The following TADA2A variants were observed in gnomAD, a reference collection of about 807,000 sequenced individuals.
TADA2A encodes the protein transcriptional adapter 2-alpha.
TADA2A carries 38 observed loss-of-function variants against 67.4 expected under a neutral mutation model. The observed-to-expected ratio is 0.56, with a 90% CI of 0.44 to 0.74. The LOEUF is 0.74. TADA2A is among the 30% of genes least tolerant of loss of function. TADA2A has a pLI of 0.00. For synonymous variants in TADA2A, 192 were observed against 181.6 expected, an observed-to-expected ratio of 1.06 and a Z score of -0.46; for missense variants, 454 against 547.0, an observed-to-expected ratio of 0.83 and a Z score of 1.70.
intron 11 of TADA2A, 146 bp downstream of exon 11, chr17:37,465,687 T>C: frequency 6.9e-7 from 1 of 1,448,778 alleles, no homozygotes. Flanking sequence ...GAGACAAATT[T>C]GGGACTATGG....
intron 14 of TADA2A, 64 bp downstream of exon 14, chr17:37,471,201 A>G: frequency 6.5e-7 from 1 of 1,536,842 alleles, no homozygotes; most frequent in East Asian, 2.3e-5. Context: ...GGTTATAGTG[A>G]CCCAGCAATC....
intron 2 of TADA2A, among the ~76,000 whole-genome samples, chr17:37,415,952 C>A (rs1381387741): frequency 6.6e-6 from 1 of 150,840 alleles, no homozygotes; most frequent in African/African-American, 2.4e-5. Flanking sequence ...TTTTGCCAAT[C>A]TGATGGGTGA....
At chr17:37,472,266 A>T (rs1376761179) in intron 14 of TADA2A, among the ~76,000 whole-genome samples, 2 of 151,960 alleles carry the variant, frequency 1.3e-5, no homozygotes, top group Non-Finnish European at 2.9e-5. Context: ...GGGTTTCGCC[A>T]TGCTGGCCAG....
At chr17:37,443,363 C>A (rs550965086) in intron 7 of TADA2A, among the ~76,000 whole-genome samples, 1 of 152,074 alleles carries the variant, frequency 6.6e-6, no homozygotes, top group Admixed American at 6.6e-5. Context: ...AAGCGATTCT[C>A]CTGTCTCAGC....
At position 37,461,869 on chromosome 17, in the gene TADA2A, C is replaced by T. The variant is rs1308513178; in HGVS notation, c.669-209C>T. The T allele has an allele frequency of 7.1e-5, 35 of 493,006 alleles. No homozygotes were observed. In the Admixed American group the frequency reaches 7.2e-4, roughly 10 times the overall value. 30.5% of individuals were successfully genotyped at this position (493,006 alleles called of 1,614,324 possible). A position where few individuals can be genotyped will look rare whatever the true frequency, so the allele number is the denominator to read the frequency against. ...AATAGTCATGGAGAGTCTACTATGCCCAACAAGAGGAAAAACCCGTGATGC... is the reference window on the plus strand; with the variant it reads ...AATAGTCATGGAGAGTCTACTATGCTCAACAAGAGGAAAAACCCGTGATGC... On this transcript the variant is annotated intron_variant, in intron 9 of 15. Transcript: ENST00000615182.
chr17:37,450,282 T>C (rs906422343), intron 8 of TADA2A, among the ~76,000 whole-genome samples: 1 of 152,128 alleles, frequency 6.6e-6, no homozygotes, highest in South Asian at 2.1e-4. Context: ...GGCCAAAAGC[T>C]TGGGGGGAAA....
intron 8 of TADA2A, among the ~76,000 whole-genome samples, chr17:37,447,262 A>G (rs1001582329): frequency 6.6e-6 from 1 of 152,138 alleles, no homozygotes; most frequent in African/African-American, 2.4e-5. Flanking sequence ...CCCAGGCTCA[A>G]GCGATTCTCG....
intron 10 of TADA2A, among the ~76,000 whole-genome samples, chr17:37,462,355 G>A (rs111360228): frequency 0.046 from 6,938 of 152,096 alleles, 506 homozygotes; most frequent in African/African-American, 0.15. Flanking sequence ...GGGGCCAGGC[G>A]CGGTGGCTCT....
At chr17:37,433,302 A>G (rs1292286036) in intron 4 of TADA2A, among the ~76,000 whole-genome samples, 1 of 152,020 alleles carries the variant, frequency 6.6e-6, no homozygotes, top group African/African-American at 2.4e-5. Context: ...GTTCCCATCT[A>G]TCCTTCATCC....
chr17:37,430,244 A>G (rs1476762564), intron 4 of TADA2A, among the ~76,000 whole-genome samples: 6 of 152,198 alleles, frequency 3.9e-5, no homozygotes, highest in Admixed American at 3.9e-4. Context: ...CACCCATACA[A>G]TCACATTTCA....
chr17:37,472,244 T>G (rs888403413), intron 14 of TADA2A, among the ~76,000 whole-genome samples: 17 of 152,060 alleles, frequency 1.1e-4, no homozygotes, highest in Admixed American at 1.0e-3. Context: ...TTTTGTACTT[T>G]CAGTAGAGAT....
At chr17:37,474,713 A>T (rs928580587) in intron 15 of TADA2A, 84 bp downstream of exon 15, 2 of 1,426,782 alleles carry the variant, frequency 1.4e-6, no homozygotes, top group Admixed American at 2.0e-5. Context: ...TACAGGGTCA[A>T]ACCCCTTTTG....
intron 1 of TADA2A, among the ~76,000 whole-genome samples, chr17:37,409,276 C>T (rs1436544360): frequency 2.0e-5 from 3 of 151,682 alleles, no homozygotes; most frequent in Non-Finnish European, 2.9e-5. Context: ...TTGGTAGAGA[C>T]GGGGTTCTCA....
intron 4 of TADA2A, among the ~76,000 whole-genome samples, chr17:37,436,228 C>T (rs190997299): frequency 6.6e-6 from 1 of 152,266 alleles, no homozygotes; most frequent in East Asian, 1.9e-4. Context: ...AAGGTATATC[C>T]TACTTAGAGA....
intron 10 of TADA2A, among the ~76,000 whole-genome samples, chr17:37,463,122 C>G (rs1260296076): frequency 6.6e-6 from 1 of 151,920 alleles, no homozygotes; most frequent in Admixed American, 6.6e-5. Flanking sequence ...GCTATCGTGC[C>G]TGGCCTTTAT....
chr17:37,453,687 T>G (rs1406390919), intron 8 of TADA2A, among the ~76,000 whole-genome samples: 1 of 152,096 alleles, frequency 6.6e-6, no homozygotes, highest in Non-Finnish European at 1.5e-5. Flanking sequence ...TGTATTACTC[T>G]TCAGAGTTAA....
chr17:37,467,367 T>A (rs955689564), intron 11 of TADA2A, 87 bp from the exon 12 acceptor site: 11 of 1,055,734 alleles, frequency 1.0e-5, no homozygotes, highest in Admixed American at 2.0e-5. Context: ...TAAGGCAGAA[T>A]TAATGAAAAT....
At chr17:37,440,933 A>G (rs111497128) in intron 6 of TADA2A, among the ~76,000 whole-genome samples, 19,246 of 152,160 alleles carry the variant, frequency 0.13, 1,420 homozygotes, top group East Asian at 0.25. Context: ...TGTCTCAACT[A>G]AAAGTATAAA....
intron 8 of TADA2A, among the ~76,000 whole-genome samples, chr17:37,446,201 T>G (rs2053076472): frequency 6.6e-6 from 1 of 151,796 alleles, no homozygotes; most frequent in Non-Finnish European, 1.5e-5. Context: ...AGAGGAAAGC[T>G]TGAAAGCAAA....
Sources: gnomAD v4.1 joint callset for allele counts (sites outside exome capture counted in the v4.1 genomes callset) on GRCh38, gnomAD v4.1.1 for gene constraint, MANE v1.5 for transcripts, NCBI Gene and HGNC (gene_info 2026-07-23, HGNC 2026-07-21) for gene names.